The following AGBL4 variants were observed in gnomAD, a reference collection of about 807,000 sequenced individuals.
The protein encoded by AGBL4 is AGBL carboxypeptidase 4.
Under a neutral mutation model 66.4 loss-of-function variants are expected in AGBL4, and 58 were observed. The observed-to-expected ratio is 0.87, with a 90% confidence interval of 0.71 to 1.09. The LOEUF (loss-of-function observed/expected upper bound fraction) is 1.09, where lower values mean the gene tolerates loss of function less well. Ranked by LOEUF, AGBL4 falls within the 50% of genes least tolerant of loss-of-function variation. The pLI, the probability that AGBL4 is intolerant of heterozygous loss-of-function variation, is 0.00. For synonymous variants in AGBL4, 234 were observed against 222.9 expected (o/e 1.05, Z -0.44); for missense variants, 579 against 631.0 (o/e 0.92, Z 0.88).
At chr1:49,296,669 G>A (rs571182399) in intron 3 of AGBL4, among the ~76,000 whole-genome samples, 1 of 152,312 alleles carries the variant, frequency 6.6e-6, no homozygotes, top group African/African-American at 2.4e-5. Flanking sequence ...GTTGCCTGTA[G>A]TGGGAAGATA....
At chr1:48,891,761 G>A (rs1650994587) in intron 5 of AGBL4, among the ~76,000 whole-genome samples, 1 of 152,144 alleles carries the variant, frequency 6.6e-6, no homozygotes, top group Non-Finnish European at 1.5e-5. Context: ...ACTCCCAGCT[G>A]AGTATGAGGA....
At chr1:49,217,976 C>T (rs1649215834) in intron 4 of AGBL4, among the ~76,000 whole-genome samples, 1 of 152,022 alleles carries the variant, frequency 6.6e-6, no homozygotes, top group South Asian at 2.1e-4. Context: ...GAGTTGATTG[C>T]CTTATAAGGG....
intron 3 of AGBL4, among the ~76,000 whole-genome samples, chr1:49,346,415 C>T (rs1645634765): frequency 1.3e-5 from 2 of 152,140 alleles, no homozygotes; most frequent in South Asian, 4.1e-4. Context: ...GGTGATCCCA[C>T]GTCAGCTTGG....
chr1:49,176,642 C>T (rs771860289), intron 4 of AGBL4, among the ~76,000 whole-genome samples: 10 of 152,222 alleles, frequency 6.6e-5, no homozygotes, highest in South Asian at 2.1e-4. Context: ...ATGGACTTTG[C>T]GCAAACTGCT....
chr1:48,816,088 TGTGTAGAG>T (rs1269573105), intron 6 of AGBL4, among the ~76,000 whole-genome samples: 2 of 103,978 alleles, frequency 1.9e-5, no homozygotes, highest in East Asian at 3.1e-4. Flanking sequence ...TGTGTGTGTG[TGTGTAGAG>T]AGAAAGAGAG....
In AGBL4 at chr1:48,832,766, G is replaced by GGA. The variant is rs1353138229; in HGVS notation, c.634+34424_634+34425insTC. ...GGTGTGGGTGAGCCTCATTCAATCT[G>GGA]TTAAGAGCCTGGATAGAATAAAAAG... On this transcript the variant is annotated intron_variant, in intron 6 of 13. Coordinates refer to ENST00000371839, the MANE Select transcript of AGBL4 (RefSeq NM_032785.4). Among the ~76,000 whole-genome samples, 39 of 152,254 alleles carry GGA rather than the reference G, an allele frequency of 2.6e-4. 1 individual carries two copies. Among genetic ancestry groups the GGA allele is most frequent in the African/African-American group, 8.9e-4 (37 of 41,552 alleles).
At chr1:49,654,832 C>G (rs1418038438) in intron 3 of AGBL4, among the ~76,000 whole-genome samples, 3 of 152,168 alleles carry the variant, frequency 2.0e-5, no homozygotes, top group African/African-American at 7.2e-5. Flanking sequence ...CACGTGAGAT[C>G]GGTTTCCTGA....
At chr1:49,790,565 A>G (rs184064894) in intron 2 of AGBL4, among the ~76,000 whole-genome samples, 20 of 152,294 alleles carry the variant, frequency 1.3e-4, no homozygotes, top group African/African-American at 4.8e-4. Context: ...TAAAAAAATT[A>G]TCAATTGAGT....
At chr1:49,727,454 T>C (rs1649116139) in intron 2 of AGBL4, among the ~76,000 whole-genome samples, 1 of 152,118 alleles carries the variant, frequency 6.6e-6, no homozygotes, top group Non-Finnish European at 1.5e-5. Flanking sequence ...GAATATCTCT[T>C]TCCATATGAG....
intron 1 of AGBL4, among the ~76,000 whole-genome samples, chr1:49,987,506 C>G (rs979291516): frequency 2.6e-5 from 4 of 151,898 alleles, no homozygotes; most frequent in Non-Finnish European, 5.9e-5. Context: ...TTCAAGACAT[C>G]TAGAAAATGT....
chr1:48,776,558 C>G, intron 6 of AGBL4: 5 of 1,109,000 alleles, frequency 4.5e-6, no homozygotes, highest in Non-Finnish European at 4.8e-6. Context: ...CTCCCGGGGT[C>G]CCAGCCCCCG....
intron 5 of AGBL4, among the ~76,000 whole-genome samples, chr1:48,940,605 C>T (rs1044798381): frequency 6.6e-6 from 1 of 152,120 alleles, no homozygotes; most frequent in Non-Finnish European, 1.5e-5. Flanking sequence ...CAGACACTGG[C>T]CAGGGTACTT....
At chr1:49,701,944 T>C (rs548885102) in intron 2 of AGBL4, among the ~76,000 whole-genome samples, 1 of 152,228 alleles carries the variant, frequency 6.6e-6, no homozygotes, top group Admixed American at 6.5e-5. Context: ...GTAACATTAC[T>C]AGAAATGAAT....
intron 3 of AGBL4, among the ~76,000 whole-genome samples, chr1:49,257,240 T>C (rs1250718106): frequency 3.9e-5 from 6 of 152,194 alleles, no homozygotes; most frequent in Admixed American, 3.9e-4. Flanking sequence ...AGGTTACTGC[T>C]GTCTTTTTGT....
chr1:49,588,848 G>C (rs905382708), intron 3 of AGBL4, among the ~76,000 whole-genome samples: 7 of 152,142 alleles, frequency 4.6e-5, no homozygotes, highest in Non-Finnish European at 8.8e-5. Context: ...ATCACACTGA[G>C]ACACATAGGG....
At chr1:49,470,774 G>A (rs1336201442) in intron 3 of AGBL4, among the ~76,000 whole-genome samples, 1 of 152,030 alleles carries the variant, frequency 6.6e-6, no homozygotes, top group African/African-American at 2.4e-5. Flanking sequence ...CAATTGAAGT[G>A]GGTATAAATA....
intron 6 of AGBL4, among the ~76,000 whole-genome samples, chr1:48,769,961 T>A (rs1644728410): frequency 3.3e-5 from 5 of 152,214 alleles, no homozygotes; most frequent in Admixed American, 3.3e-4. Flanking sequence ...GGAAATGATC[T>A]AGAAGTCATC....
intron 6 of AGBL4, among the ~76,000 whole-genome samples, chr1:48,703,470 A>T (rs1368829276): frequency 6.6e-6 from 1 of 152,188 alleles, no homozygotes; most frequent in East Asian, 1.9e-4. Flanking sequence ...ATAAGTCTAG[A>T]TTCGAATTAT....
intron 2 of AGBL4, among the ~76,000 whole-genome samples, chr1:49,808,357 A>G (rs1645020370): frequency 6.6e-6 from 1 of 152,204 alleles, no homozygotes; most frequent in African/African-American, 2.4e-5. Context: ...CAAAGGGAAG[A>G]CAGGAGGAGG....
Sources: gnomAD v4.1 joint callset for allele counts (sites outside exome capture counted in the v4.1 genomes callset) on GRCh38, gnomAD v4.1.1 for gene constraint, MANE v1.5 for transcripts, NCBI Gene and HGNC (gene_info 2026-07-23, HGNC 2026-07-21) for gene names.